ELF1: variants seen among roughly 807,000 people sequenced by gnomAD.
ELF1 encodes the protein ETS-related transcription factor Elf-1.
Under a neutral mutation model 59.9 loss-of-function variants are expected in ELF1, and 24 were observed. The observed-to-expected ratio is 0.40, with a 90% CI of 0.29 to 0.56. The LOEUF is 0.56. Among genes scored for constraint, ELF1 ranks in the 20% least tolerant of loss-of-function variants. The probability of loss-of-function intolerance (pLI) is 0.44; values close to 1 mark genes in which losing one functional copy is unlikely to be tolerated. For missense variants in ELF1, 627 were observed against 742.2 expected (o/e 0.84, Z 1.80); for synonymous variants, 248 against 266.2 (o/e 0.93, Z 0.67).
At chr13:41,029,191 G>C (rs771119166) in intron 1 of ELF1, among the ~76,000 whole-genome samples, 1 of 152,164 alleles carries the variant, frequency 6.6e-6, no homozygotes, top group South Asian at 2.1e-4. Context: ...CTACAATTTC[G>C]TAATTGTCTC....
At chr13:40,989,302 A>G (rs1156854948) in intron 1 of ELF1, among the ~76,000 whole-genome samples, 1 of 152,228 alleles carries the variant, frequency 6.6e-6, no homozygotes, top group African/African-American at 2.4e-5. Flanking sequence ...GGGAAAAAAC[A>G]CAAGTTAATG....
chr13:40,957,705 A>G (rs1009028055), intron 3 of ELF1, among the ~76,000 whole-genome samples: 1 of 152,116 alleles, frequency 6.6e-6, no homozygotes, highest in Non-Finnish European at 1.5e-5. Context: ...TCTTTTCTTT[A>G]TAAGTATTAC....
At chr13:41,039,328 C>T (rs1292696124) in intron 1 of ELF1, among the ~76,000 whole-genome samples, 1 of 116,178 alleles carries the variant, frequency 8.6e-6, no homozygotes, top group Non-Finnish European at 1.9e-5. Context: ...GACAAAAAGT[C>T]CTTTTTTTAA....
chr13:40,966,240 T>C (rs182976397), intron 2 of ELF1, among the ~76,000 whole-genome samples: 4 of 152,302 alleles, frequency 2.6e-5, no homozygotes, highest in African/African-American at 7.2e-5. Context: ...AGCTTCAATA[T>C]CTAGAAGCAA....
In ELF1 at chr13:41,003,491, T is replaced by C. The variant is rs541644514; in HGVS notation, c.-229+15737A>G. Among the ~76,000 whole-genome samples, 20 of 138,552 alleles carry C rather than the reference T, an allele frequency of 1.4e-4. No homozygotes were observed. In the South Asian group the frequency reaches 4.8e-3, roughly 34 times the overall value. 90.9% of individuals were successfully genotyped at this position (138,552 alleles called of 152,430 possible). On this transcript the variant is annotated intron_variant, in intron 1 of 8. Transcript: ENST00000239882. ...TTTTTGGCTGGAAAAACTGTTAATA[T>C]ATAAACTTTATAAGACATTCCTAGA...
intron 5 of ELF1, among the ~76,000 whole-genome samples, chr13:40,948,553 T>C (rs1870645053): frequency 6.6e-6 from 1 of 152,238 alleles, no homozygotes; most frequent in South Asian, 2.1e-4. Flanking sequence ...TCTTGGAATT[T>C]CCCTGACTTT....
chr13:40,947,640 T>C (rs1870585821), intron 5 of ELF1, among the ~76,000 whole-genome samples: 1 of 152,206 alleles, frequency 6.6e-6, no homozygotes, highest in South Asian at 2.1e-4. Flanking sequence ...AGGACTGTAA[T>C]AACTATGGGG....
intron 1 of ELF1, among the ~76,000 whole-genome samples, chr13:41,001,231 TC>T (rs1477242893): frequency 6.6e-6 from 1 of 152,106 alleles, no homozygotes; most frequent in Non-Finnish European, 1.5e-5. Context: ...TGCCTCGGCC[TC>T]CCAAAGTGCT....
In ELF1 at chr13:40,932,142, A is replaced by C. The variant is rs1000625911; in HGVS notation, c.*1283T>G. The C allele has an allele frequency of 2.0e-5, 3 of 152,176 alleles. No individual in the cohort carries two copies. The highest frequency in any genetic ancestry group is 7.2e-5 in the African/African-American group (3 of 41,430). The allele number at this position is 152,176 out of a possible 1,614,324, so 9.4% of individuals were successfully genotyped here. On this transcript the variant is annotated 3_prime_UTR_variant, in exon 9 of 9. Transcript: ENST00000239882. ...TACAAATTCACTCTGTAATATGAAA[A>C]CATAGCATTAGACCTCTAAACATAA...
intron 1 of ELF1, among the ~76,000 whole-genome samples, chr13:41,049,161 T>C (rs996037062): frequency 2.0e-5 from 3 of 152,210 alleles, no homozygotes; most frequent in African/African-American, 7.2e-5. Flanking sequence ...AGTCTTCTTC[T>C]TACTCCAGAC....
chr13:41,009,112 T>C (rs980617525), intron 1 of ELF1, among the ~76,000 whole-genome samples: 2 of 151,960 alleles, frequency 1.3e-5, no homozygotes, highest in African/African-American at 2.4e-5. Flanking sequence ...ATAAAAATAA[T>C]TATGTTAAAA....
chr13:41,012,312 C>CAAAAAA (rs56791748), intron 1 of ELF1, among the ~76,000 whole-genome samples: 1 of 65,042 alleles, frequency 1.5e-5, no homozygotes, highest in African/African-American at 5.9e-5. Flanking sequence ...GACTCTGTCT[C>CAAAAAA]AAAAAAAAAA....
intron 2 of ELF1, among the ~76,000 whole-genome samples, chr13:40,962,902 C>A (rs1871933171): frequency 6.6e-6 from 1 of 152,150 alleles, no homozygotes; most frequent in African/African-American, 2.4e-5. Flanking sequence ...ATTTTGAATT[C>A]ATGGATTCTA....
intron 1 of ELF1, among the ~76,000 whole-genome samples, chr13:41,039,039 A>G (rs536395238): frequency 3.5e-4 from 52 of 149,818 alleles, no homozygotes; most frequent in African/African-American, 1.2e-3. Context: ...CTTTCTATGT[A>G]TGACAAAAGG....
chr13:41,052,332 C>A (rs1306820749), intron 1 of ELF1, among the ~76,000 whole-genome samples: 1 of 152,194 alleles, frequency 6.6e-6, no homozygotes, highest in East Asian at 1.9e-4. Flanking sequence ...AAATAGTAAC[C>A]ATTATAGCAT....
At chr13:41,050,060 C>T (rs991916725) in intron 1 of ELF1, among the ~76,000 whole-genome samples, 35 of 152,064 alleles carry the variant, frequency 2.3e-4, no homozygotes, top group African/African-American at 6.3e-4. Flanking sequence ...TATCTTAATC[C>T]TTTTTAAGTA....
chr13:40,965,852 A>G (rs926547684), intron 2 of ELF1, among the ~76,000 whole-genome samples: 1 of 152,218 alleles, frequency 6.6e-6, no homozygotes, highest in East Asian at 1.9e-4. Flanking sequence ...ACAGTGGGAA[A>G]CATTTAAGAA....
At chr13:41,039,393 T>C (rs1005486281) in intron 1 of ELF1, among the ~76,000 whole-genome samples, 1 of 149,654 alleles carries the variant, frequency 6.7e-6, no homozygotes, top group Non-Finnish European at 1.5e-5. Context: ...AGCAAATACA[T>C]TTGTCAAAAC....
At chr13:40,993,189 C>T in intron 1 of ELF1, 5 of 1,519,412 alleles carry the variant, frequency 3.3e-6, no homozygotes, top group Non-Finnish European at 4.6e-6. Context: ...TGCATTTTCC[C>T]CTTTCTTCAT....
Sources: allele counts gnomAD v4.1 joint callset (sites outside exome capture counted in the v4.1 genomes callset), GRCh38; gene constraint gnomAD v4.1.1; transcripts MANE v1.5; gene names NCBI Gene and HGNC (gene_info 2026-07-23, HGNC 2026-07-21).